The following DCAF4L2 variants were observed in gnomAD, a reference collection of about 807,000 sequenced individuals.
DCAF4L2 encodes DDB1 and CUL4 associated factor 4 like 2.
DCAF4L2 carries 13 observed loss-of-function variants against 15.5 expected under a neutral mutation model. That is an observed-to-expected ratio of 0.84 (90% CI 0.54 to 1.33). DCAF4L2 has a LOEUF of 1.33. DCAF4L2 is among the 40% of genes most tolerant of loss of function. DCAF4L2 has a pLI of 0.00. For synonymous variants in DCAF4L2, 251 were observed against 207.0 expected, an observed-to-expected ratio of 1.21 and a Z score of -1.83; for missense variants, 519 against 509.6, an observed-to-expected ratio of 1.02 and a Z score of -0.18.
chr8:87,873,314 A>T lies in DCAF4L2; in HGVS notation c.658T>A (p.Ser220Thr). 1 of 1,614,132 alleles carries T rather than the reference A, an allele frequency of 6.2e-7. No homozygotes were observed. Among genetic ancestry groups the T allele is most frequent in the Non-Finnish European group, 8.5e-7 (1 of 1,180,022 alleles). The change falls in exon 1 of 1, where the codon TCA becomes ACA. Residue 220 changes from serine to threonine, a missense_variant. By Grantham distance (58) the Ser-to-Thr change is moderately conservative (BLOSUM62 1). Coordinates refer to ENST00000319675, the MANE Select transcript of DCAF4L2 (RefSeq NM_152418.4). Reference sequence around the variant, plus strand: ...AAGACATCACTGCTAGTCCCAAATGACTGCTGGTGTCCCGTCACCACGTTG... The same window carrying T: ...AAGACATCACTGCTAGTCCCAAATGTCTGCTGGTGTCCCGTCACCACGTTG... The part of the protein sequence containing the change: ...LTNVVTGHQQ[S>T]FGTSSDVLAQ...
rs1373002607 is a variant in DCAF4L2 at position 87,872,654 on chromosome 8, C to A, written c.*130G>T. ...ATCTTCACATAAAACAGCACCTTAC[C>A]CCTAGCAGCCGGATGGATGGGATCT... On this transcript the variant is annotated 3_prime_UTR_variant, in exon 1 of 1. Transcript: ENST00000319675. 2.1e-6 allele frequency: 2 copies of A among 950,930 alleles called. No individual in the cohort carries two copies. The highest frequency in any genetic ancestry group is 6.0e-5 in the Admixed American group (2 of 33,404). 58.9% of individuals were successfully genotyped at this position (950,930 alleles called of 1,614,324 possible). A position where few individuals can be genotyped will look rare whatever the true frequency, so the allele number is the denominator to read the frequency against.
rs1459776004 is a variant in DCAF4L2, at chr8:87,873,212, G to A, written c.760C>T (p.Arg254Cys). 3 of 1,614,120 alleles carry A rather than the reference G, an allele frequency of 1.9e-6. No homozygotes were observed. The highest frequency in any genetic ancestry group is 2.5e-6 in the Non-Finnish European group (3 of 1,180,030). The change falls in exon 1 of 1, where the codon CGC (arginine) becomes TGC (cysteine). Residue 254 changes from arginine to cysteine, a missense_variant. Transcript: ENST00000319675. Reference protein sequence around the residue: ...RSGEIFGIDLRCGNQGSGWKA... With the variant: ...RSGEIFGIDLCCGNQGSGWKA... ...CACCCGCTGCCTTGATTTCCACAGC[G>A]CAGATCAATGCCAAAGATCTCCCCA...
At position 87,870,773 on chromosome 8, in the gene DCAF4L2, G is replaced by C. The variant is rs1165781457; in HGVS notation, c.*2011C>G. 1 of 152,082 alleles carries C rather than the reference G, an allele frequency of 6.6e-6. No homozygotes were observed. Among genetic ancestry groups the C allele is most frequent in the African/African-American group, 2.4e-5 (1 of 41,410 alleles). The allele number at this position is 152,082 out of a possible 1,614,324, so 9.4% of individuals were successfully genotyped here. A position where few individuals can be genotyped will look rare whatever the true frequency, so the allele number is the denominator to read the frequency against. On this transcript the variant is annotated 3_prime_UTR_variant, in exon 1 of 1. Transcript: ENST00000319675. ...TTATTTGCACTTATTTTATTTGCAA[G>C]TGAGGGTAAACAGATTCGCAAGTTA...
Position 87,873,037 on chromosome 8 carries a change from A to C in DCAF4L2, c.935T>G (p.Val312Gly). Residue 312 changes from valine (V) to glycine (G), a missense_variant, in exon 1 of 1, where the codon GTG becomes GGG. By Grantham distance (109) the Val-to-Gly change is moderately radical. Coordinates refer to ENST00000319675, the MANE Select transcript of DCAF4L2 (RefSeq NM_152418.4). ...CACGGGTAGGTAGGCGGAGTTATTC[A>C]CATGACCTTCGTACTGTGTTACACA... ...TKCVTQYEGH[V>G]NNSAYLPVHV... The C allele has an allele frequency of 6.2e-7, 1 of 1,614,128 alleles. No homozygotes were observed. The highest frequency in any genetic ancestry group is 1.1e-5 in the South Asian group (1 of 91,086).
Position 87,872,901 on chromosome 8 carries a change from G to C in DCAF4L2, c.1071C>G (p.Pro357=), listed in dbSNP as rs762077763. The C allele has an allele frequency of 1.2e-6, 2 of 1,614,146 alleles. No homozygotes were observed. The highest frequency in any genetic ancestry group is 1.7e-6 in the Non-Finnish European group (2 of 1,180,014). Residue 357 remains proline, a synonymous_variant, in exon 1 of 1, where the codon CCC becomes CCG. Coordinates refer to ENST00000319675, the MANE Select transcript of DCAF4L2 (RefSeq NM_152418.4). ...CACTGGGAATGTCGTTCTCCGAGGC[G>C]GGGTATGGGGAGGGTATGGTTGTGA... is the stretch of plus-strand genomic sequence containing the variant. The part of the protein sequence containing the change: ...HLLTTIPSPY[P]ASENDIPSVA...
rs373262470 is a variant in DCAF4L2 at position 87,873,539 on chromosome 8, A to G, written c.433T>C (p.Cys145Arg). Residue 145 changes from cysteine (C) to arginine (R), a missense_variant, in exon 1 of 1, where the codon TGC becomes CGC. Transcript: ENST00000319675. ...LNHLDSHLLLCFVGLADTPSC... is the reference protein window; with the variant it reads ...LNHLDSHLLLRFVGLADTPSC... ...GGAGTATCTGCAAGTCCCACGAAGC[A>G]CAGCAGAAGGTGGGAATCCAAGTGA... is the stretch of plus-strand genomic sequence containing the variant. The G allele has an allele frequency of 9.3e-6, 15 of 1,614,200 alleles. No individual in the cohort carries two copies. The African/African-American group carries it at 1.7e-4, about 19-fold the overall frequency.
In DCAF4L2 at chr8:87,873,211, C is replaced by T. The variant is rs1483692110; in HGVS notation, c.761G>A (p.Arg254His). Residue 254 changes from arginine (R) to histidine (H), a missense_variant, in exon 1 of 1, where the codon CGC becomes CAC. Arg to His is a conservative substitution (Grantham distance 29). Transcript: ENST00000319675. Reference protein sequence around the residue: ...RSGEIFGIDLRCGNQGSGWKA... With the variant: ...RSGEIFGIDLHCGNQGSGWKA... ...CCACCCGCTGCCTTGATTTCCACAG[C>T]GCAGATCAATGCCAAAGATCTCCCC... The T allele has an allele frequency of 1.2e-6, 2 of 1,614,130 alleles. No homozygotes were observed. The highest frequency in any genetic ancestry group is 1.7e-6 in the Non-Finnish European group (2 of 1,180,040).
At position 87,873,999 on chromosome 8, in the gene DCAF4L2, A is replaced by T. The variant is rs1318351778; in HGVS notation, c.-28T>A. 2.5e-6 allele frequency: 4 copies of T among 1,604,708 alleles called. No individual in the cohort carries two copies. Among genetic ancestry groups the T allele is most frequent in the African/African-American group, 2.7e-5 (2 of 74,674 alleles). On this transcript the variant is annotated 5_prime_UTR_variant, in exon 1 of 1. Coordinates refer to ENST00000319675, the MANE Select transcript of DCAF4L2 (RefSeq NM_152418.4). ...CGTTCGGCGGATGTTCTCCCTCCTGAGGGGAAGTTCTGTCCCGGGAGTAAG... is the reference window on the plus strand; with the variant it reads ...CGTTCGGCGGATGTTCTCCCTCCTGTGGGGAAGTTCTGTCCCGGGAGTAAG...
rs1809421294 is a variant in DCAF4L2 at position 87,872,736 on chromosome 8, T to C, written c.*48A>G. ...ATAGAAACGGTAATACGATGCTCTT[T>C]ACTTCTTTAAGTCAAATCCACGTTC... On this transcript the variant is annotated 3_prime_UTR_variant, in exon 1 of 1. Coordinates refer to ENST00000319675, the MANE Select transcript of DCAF4L2 (RefSeq NM_152418.4). 2 of 1,511,932 alleles carry C rather than the reference T, an allele frequency of 1.3e-6. No individual in the cohort carries two copies. Among genetic ancestry groups the C allele is most frequent in the African/African-American group, 1.4e-5 (1 of 71,586 alleles). 93.7% of individuals were successfully genotyped at this position (1,511,932 alleles called of 1,614,324 possible). A position where few individuals can be genotyped will look rare whatever the true frequency, so the allele number is the denominator to read the frequency against.
In DCAF4L2 at chr8:87,873,246, G is replaced by T. The variant is rs776617076; in HGVS notation, c.726C>A (p.Gly242=). 1 of 1,614,156 alleles carries T rather than the reference G, an allele frequency of 6.2e-7. No homozygotes were observed. The highest frequency in any genetic ancestry group is 8.5e-7 in the Non-Finnish European group (1 of 1,180,034). ...TGCCAAAGATCTCCCCAGAGCGACA[G>T]CCATTAAACAGCAAAGGAGTCATGA... is the stretch of plus-strand genomic sequence containing the variant. ...FAIMTPLLFN[G]CRSGEIFGID... Residue 242 remains glycine (G), a synonymous_variant, in exon 1 of 1, where the codon GGC becomes GGA. Coordinates refer to ENST00000319675, the MANE Select transcript of DCAF4L2 (RefSeq NM_152418.4).
In DCAF4L2 at chr8:87,872,893, T is replaced by A. The variant is rs764048119; in HGVS notation, c.1079A>T (p.Glu360Val). ...GAAGGCCACACTGGGAATGTCGTTCTCCGAGGCGGGGTATGGGGAGGGTAT... is the reference window on the plus strand; with the variant it reads ...GAAGGCCACACTGGGAATGTCGTTCACCGAGGCGGGGTATGGGGAGGGTAT... ...TTIPSPYPAS[E>V]NDIPSVAFSS... is the part of the protein sequence containing the mutation. The change falls in exon 1 of 1, where the codon GAG becomes GTG. Residue 360 changes from glutamate to valine, a missense_variant. Coordinates refer to ENST00000319675, the MANE Select transcript of DCAF4L2 (RefSeq NM_152418.4). 6.2e-7 allele frequency: 1 copy of A among 1,614,026 alleles called. No homozygotes were observed. The highest frequency in any genetic ancestry group is 8.5e-7 in the Non-Finnish European group (1 of 1,180,036).
chr8:87,872,795 AG>A lies in DCAF4L2; in HGVS notation c.1176del (p.Ser393ProfsTer20). 1 of 1,575,496 alleles carries A rather than the reference AG, an allele frequency of 6.3e-7. No homozygotes were observed. Among genetic ancestry groups the A allele is most frequent in the Non-Finnish European group, 8.6e-7 (1 of 1,162,894 alleles). On this transcript the variant is annotated frameshift_variant, in exon 1 of 1. Transcript: ENST00000319675. LOFTEE classifies it high-confidence loss of function. ...TGCATCCTGAAGAATTAACCGTAGG[AG>A]AAACAATAAAGGTCCTCCCGGACAG... The part of the protein sequence containing the change: ...LMAVREDLYC[F>X]SYG
chr8:87,872,813 C>T lies in DCAF4L2; in HGVS notation c.1159G>A (p.Glu387Lys), dbSNP rs575355392. ...GAPGLLMAVR[E>K]DLYCFSYG is the part of the protein sequence containing the mutation. The stretch of plus-strand genomic sequence containing the variant: ...CCGTAGGAGAAACAATAAAGGTCCT[C>T]CCGGACAGCCATGAGCAGCCCTGGT... Residue 387 changes from glutamate (E) to lysine (K), a missense_variant, in exon 1 of 1, where the codon GAG becomes AAG. By Grantham distance (56) the Glu-to-Lys change is moderately conservative. Transcript: ENST00000319675. The T allele has an allele frequency of 1.3e-6, 2 of 1,599,788 alleles. No individual in the cohort carries two copies. The highest frequency in any genetic ancestry group is 2.2e-5 in the East Asian group (1 of 44,746).
rs750813882 is a variant in DCAF4L2 at position 87,873,927 on chromosome 8, C to T, written c.45G>A (p.Gln15=). Residue 15 remains glutamine (Q), a synonymous_variant, in exon 1 of 1, where the codon CAG becomes CAA. Coordinates refer to ENST00000319675, the MANE Select transcript of DCAF4L2 (RefSeq NM_152418.4). ...RPRLLEEADK[Q]KKTVRVGLNA... The stretch of plus-strand genomic sequence containing the variant: ...TGAGTCCCACTCTGACTGTCTTTTT[C>T]TGCTTGTCTGCTTCCTCGAGCAGTC... 2 of 1,614,052 alleles carry T rather than the reference C, an allele frequency of 1.2e-6. No individual in the cohort carries two copies. The highest frequency in any genetic ancestry group is 2.2e-5 in the East Asian group (1 of 44,844).
chr8:87,871,674 T>C lies in DCAF4L2; in HGVS notation c.*1110A>G, dbSNP rs1809400698. ...CCACAGAGATACCTACTATTCAAAC[T>C]GTAATCACCATAGATAAGTTTTTAG... On this transcript the variant is annotated 3_prime_UTR_variant, in exon 1 of 1. Coordinates refer to ENST00000319675, the MANE Select transcript of DCAF4L2 (RefSeq NM_152418.4). The C allele has an allele frequency of 6.6e-6, 1 of 152,198 alleles. No homozygotes were observed. Among genetic ancestry groups the C allele is most frequent in the Non-Finnish European group, 1.5e-5 (1 of 68,026 alleles). The allele number at this position is 152,198 out of a possible 1,614,324, so 9.4% of individuals were successfully genotyped here.
In DCAF4L2 at chr8:87,873,179, T is replaced by C; in HGVS notation, c.793A>G (p.Ile265Val). 1 of 1,614,116 alleles carries C rather than the reference T, an allele frequency of 6.2e-7. No individual in the cohort carries two copies. ...CGNQGSGWKA[I>V]CLSHDSAVTS... The stretch of plus-strand genomic sequence containing the variant: ...ACTGCTGAATCATGGGACAGGCAAA[T>C]GGCCTTCCACCCGCTGCCTTGATTT... Residue 265 changes from isoleucine to valine, a missense_variant, in exon 1 of 1, where the codon ATT becomes GTT. Ile to Val is a conservative substitution (Grantham distance 29, BLOSUM62 3). Transcript: ENST00000319675.
chr8:87,873,978 C>T lies in DCAF4L2; in HGVS notation c.-7G>A, dbSNP rs1187097374. 2.5e-6 allele frequency: 4 copies of T among 1,611,402 alleles called. No individual in the cohort carries two copies. Among genetic ancestry groups the T allele is most frequent in the Middle Eastern group, 1.7e-4 (1 of 6,048 alleles). On this transcript the variant is annotated 5_prime_UTR_variant, in exon 1 of 1. Transcript: ENST00000319675. ...GCGGTCTTTTGCTCTCCATTTCGTT[C>T]GGCGGATGTTCTCCCTCCTGAGGGG...
In DCAF4L2 at chr8:87,873,384, C is replaced by A; in HGVS notation, c.588G>T (p.Ala196=). 7 of 1,614,180 alleles carry A rather than the reference C, an allele frequency of 4.3e-6. No homozygotes were observed. Among genetic ancestry groups the A allele is most frequent in the Non-Finnish European group, 5.1e-6 (6 of 1,180,034 alleles). Residue 196 remains alanine (A), a synonymous_variant, in exon 1 of 1, where the codon GCG becomes GCT. Transcript: ENST00000319675. The part of the protein sequence containing the change: ...WSCAWSLSIH[A]YHSFSTGLSQ... ...ACAAGCCTGTACTGAAAGAGTGATA[C>A]GCGTGGATGCTCAGGGACCAGGCAC...
rs763393493 is a variant in DCAF4L2 at position 87,873,593 on chromosome 8, C to A, written c.379G>T (p.Val127Leu). Residue 127 changes from valine to leucine, a missense_variant, in exon 1 of 1, where the codon GTG (valine) becomes TTG (leucine). Coordinates refer to ENST00000319675, the MANE Select transcript of DCAF4L2 (RefSeq NM_152418.4). ...AGTGAGGCCCAGCACATAGAATTCA[C>A]CTTCCGATTAGGGACGTAGAGGGTT... Reference protein sequence around the residue: ...HKTLYVPNRKVNSMCWASLNH... With the variant: ...HKTLYVPNRKLNSMCWASLNH... The A allele has an allele frequency of 1.9e-6, 3 of 1,614,214 alleles. No homozygotes were observed. The East Asian group carries it at 6.7e-5, about 36-fold the overall frequency.
Sources: gnomAD v4.1 joint callset for allele counts on GRCh38, gnomAD v4.1.1 for gene constraint, MANE v1.5 for transcripts, NCBI Gene and HGNC (gene_info 2026-07-23, HGNC 2026-07-21) for gene names.